Variants in SLC23A2 observed in about 807,000 individuals in gnomAD.
The protein encoded by SLC23A2 is Na(+)/L-ascorbic acid transporter 2.
A neutral mutation model predicts 73.3 loss-of-function variants in SLC23A2; 36 were observed. The observed-to-expected ratio is 0.49, with a 90% CI of 0.38 to 0.65. SLC23A2 has a LOEUF of 0.65. Ranked by LOEUF, SLC23A2 falls within the 30% of genes least tolerant of loss-of-function variation. The probability of loss-of-function intolerance (pLI) is 0.00; values close to 1 mark genes in which losing one functional copy is unlikely to be tolerated. For synonymous variants in SLC23A2, 343 were observed against 327.3 expected, an observed-to-expected ratio of 1.05 and a Z score of -0.52; for missense variants, 507 against 841.6, an observed-to-expected ratio of 0.60 and a Z score of 4.92.
At chr20:4,996,788 G>A (rs1168278642) in intron 1 of SLC23A2, among the ~76,000 whole-genome samples, 1 of 151,782 alleles carries the variant, frequency 6.6e-6, no homozygotes, top group African/African-American at 2.4e-5. Flanking sequence ...TTTCCATAGA[G>A]GGCCTTAGAG....
Position 4,972,866 on chromosome 20 carries a change from A to AGGTG in SLC23A2, c.-281-1948_-281-1947insCACC, listed in dbSNP as rs1568650150. On this transcript the variant is annotated intron_variant, in intron 1 of 16. Transcript: ENST00000338244. Reference sequence around the variant, plus strand: ...CCCAAAGTGCTGGGATTACAGGCACAAGCCACTATGCCAAGCCTTAAGCTA... The same window carrying AGGTG: ...CCCAAAGTGCTGGGATTACAGGCACAGGTGAGCCACTATGCCAAGCCTTAAGCTA... 2.6e-5 allele frequency among the ~76,000 whole-genome samples: 4 copies of AGGTG among 151,738 alleles called. No homozygotes were observed. In the East Asian group the frequency reaches 5.8e-4, roughly 22 times the overall value.
At chr20:4,886,077 C>T (rs1395793692) in intron 6 of SLC23A2, 168 bp from the exon 7 acceptor site, 1 of 540,616 alleles carries the variant, frequency 1.8e-6, no homozygotes, top group Admixed American at 3.4e-5. Flanking sequence ...GCCATGCAGC[C>T]ACAGCCAGTG....
chr20:4,912,979 C>T lies in SLC23A2; in HGVS notation c.109-1G>A, dbSNP rs777935134. ...AGGTGGCGCCTCCATTTATCACCAC[C>T]TGCAGAGACAATCCACTTAGAGGCT... On this transcript the variant is annotated splice_acceptor_variant, in intron 3 of 16. Coordinates refer to ENST00000338244, the MANE Select transcript of SLC23A2 (RefSeq NM_005116.6). LOFTEE classifies it high-confidence loss of function. 1.2e-6 allele frequency: 2 copies of T among 1,602,220 alleles called. No individual in the cohort carries two copies. Among genetic ancestry groups the T allele is most frequent in the Non-Finnish European group, 8.5e-7 (1 of 1,170,038 alleles).
intron 9 of SLC23A2, among the ~76,000 whole-genome samples, chr20:4,878,456 G>C (rs1668427321): frequency 6.6e-6 from 1 of 152,212 alleles, no homozygotes; most frequent in African/African-American, 2.4e-5. Flanking sequence ...AAAGTGCTGA[G>C]ATTACAGGTG....
chr20:4,921,815 T>C (rs778957655), intron 3 of SLC23A2, among the ~76,000 whole-genome samples: 16 of 152,166 alleles, frequency 1.1e-4, no homozygotes, highest in Non-Finnish European at 1.9e-4. Context: ...AATACACATA[T>C]GAGAACTACA....
intron 9 of SLC23A2, among the ~76,000 whole-genome samples, chr20:4,882,231 C>T (rs555377618): frequency 1.5e-3 from 221 of 152,032 alleles, no homozygotes; most frequent in Non-Finnish European, 2.0e-3. Flanking sequence ...AAAAACTAGC[C>T]GGGTGTGGTG....
At chr20:4,973,052 C>T (rs921438394) in intron 1 of SLC23A2, among the ~76,000 whole-genome samples, 1 of 152,164 alleles carries the variant, frequency 6.6e-6, no homozygotes, top group Non-Finnish European at 1.5e-5. Flanking sequence ...AAATACAGTT[C>T]CTTGAAAAAT....
intron 4 of SLC23A2, among the ~76,000 whole-genome samples, chr20:4,906,922 T>G (rs911978575): frequency 2.0e-5 from 3 of 152,150 alleles, no homozygotes; most frequent in Non-Finnish European, 2.9e-5. Context: ...CATAGAAGGA[T>G]GCTGTGAAGA....
At chr20:4,864,745 C>T (rs1467000138) in intron 13 of SLC23A2, among the ~76,000 whole-genome samples, 1 of 152,142 alleles carries the variant, frequency 6.6e-6, no homozygotes, top group Non-Finnish European at 1.5e-5. Flanking sequence ...AAGAGAAAAT[C>T]TGAAGAGTTG....
intron 2 of SLC23A2, among the ~76,000 whole-genome samples, chr20:4,961,343 A>C (rs747721743): frequency 6.6e-6 from 1 of 151,752 alleles, no homozygotes; most frequent in African/African-American, 2.4e-5. Flanking sequence ...TGGCCTCCCA[A>C]AGTGCTGGGA....
chr20:4,858,786 C>T (rs1334382850), intron 16 of SLC23A2, among the ~76,000 whole-genome samples: 1 of 152,170 alleles, frequency 6.6e-6, no homozygotes, highest in East Asian at 1.9e-4. Context: ...CTCCAGGCAT[C>T]TCTTGTCAAT....
chr20:4,916,861 T>C (rs1478811086), intron 3 of SLC23A2, among the ~76,000 whole-genome samples: 2 of 152,206 alleles, frequency 1.3e-5, no homozygotes, highest in Admixed American at 1.3e-4. Flanking sequence ...TTTGCCTAAC[T>C]ACAGGCTAAT....
chr20:4,922,919 T>C (rs935038630), intron 3 of SLC23A2, among the ~76,000 whole-genome samples: 1 of 151,956 alleles, frequency 6.6e-6, no homozygotes, highest in Non-Finnish European at 1.5e-5. Context: ...AGTAAGAGAC[T>C]GTAGCAAGAA....
intron 9 of SLC23A2, among the ~76,000 whole-genome samples, chr20:4,878,492 T>C (rs1891672007): frequency 6.6e-6 from 1 of 152,184 alleles, no homozygotes; most frequent in Non-Finnish European, 1.5e-5. Flanking sequence ...GATTTGTTTT[T>C]AATTCAGTGG....
Position 4,986,294 on chromosome 20 carries a change from C to T in SLC23A2, c.-282+15112G>A, listed in dbSNP as rs1486060391. Among the ~76,000 whole-genome samples the T allele has an allele frequency of 3.3e-5, 5 of 151,980 alleles. No individual in the cohort carries two copies. The East Asian group carries it at 5.8e-4, about 18-fold the overall frequency. The stretch of plus-strand genomic sequence containing the variant: ...CTGGGCAACATAGAGAGACCCCTTT[C>T]GCCACAAAAAGAAAAAACAAAGGTT... On this transcript the variant is annotated intron_variant, in intron 1 of 16. Coordinates refer to ENST00000338244, the MANE Select transcript of SLC23A2 (RefSeq NM_005116.6).
At chr20:4,951,939 C>A (rs2087208656) in intron 2 of SLC23A2, among the ~76,000 whole-genome samples, 1 of 151,658 alleles carries the variant, frequency 6.6e-6, no homozygotes, top group Non-Finnish European at 1.5e-5. Flanking sequence ...CCCATCTCTA[C>A]TAAACATACA....
intron 1 of SLC23A2, among the ~76,000 whole-genome samples, chr20:5,007,979 G>A (rs2088209190): frequency 6.6e-6 from 1 of 151,108 alleles, no homozygotes; most frequent in African/African-American, 2.4e-5. Context: ...GCATGATCTT[G>A]GCTAACTACA....
chr20:4,856,972 CT>C lies in SLC23A2; in HGVS notation c.1952del (p.Ter651CysfsTer25). The C allele has an allele frequency of 6.2e-7, 1 of 1,607,196 alleles. No individual in the cohort carries two copies. The highest frequency in any genetic ancestry group is 8.5e-7 in the Non-Finnish European group (1 of 1,174,132). ...GCCAGGCCACAGGGCACAGCAAAGG[CT>C]ATCCCGTGGCCTGGGAGTCTTCATC... ...SSDEDSQATG[*>X] On this transcript the variant is annotated frameshift_variant and stop_lost, in exon 17 of 17. Coordinates refer to ENST00000338244, the MANE Select transcript of SLC23A2 (RefSeq NM_005116.6). LOFTEE classifies it high-confidence loss of function. The surrounding 1 kb of genome is among the most constrained non-coding windows in gnomAD (Gnocchi z 4.6).
At chr20:4,892,074 G>A (rs1222974007) in intron 6 of SLC23A2, among the ~76,000 whole-genome samples, 1 of 151,692 alleles carries the variant, frequency 6.6e-6, no homozygotes, top group Non-Finnish European at 1.5e-5. Flanking sequence ...CTTATGGTTA[G>A]TTTACCATTG....
Sources: gnomAD v4.1 joint callset for allele counts (sites outside exome capture counted in the v4.1 genomes callset) on GRCh38, gnomAD v4.1.1 for gene constraint, Gnocchi (gnomAD v3.1) non-coding constraint, MANE v1.5 for transcripts, NCBI Gene and HGNC (gene_info 2026-07-23, HGNC 2026-07-21) for gene names.